The following COL11A1 variants were observed in gnomAD, a reference collection of about 807,000 sequenced individuals.
COL11A1 encodes collagen type XI alpha 1 chain.
COL11A1 carries 74 observed loss-of-function variants against 265.2 expected under a neutral mutation model. That is an observed-to-expected ratio of 0.28 (90% CI 0.23 to 0.34). The LOEUF (loss-of-function observed/expected upper bound fraction) is 0.34. Ranked by LOEUF, COL11A1 falls within the 10% of genes least tolerant of loss-of-function variation. COL11A1 has a pLI of 1.00. For synonymous variants in COL11A1, 816 were observed against 727.6 expected (o/e 1.12, Z -1.96); for missense variants, 2,165 against 2,263.6 (o/e 0.96, Z 0.88).
chr1:103,105,388 A>G (rs1186080896), intron 1 of COL11A1, among the ~76,000 whole-genome samples: 1 of 152,156 alleles, frequency 6.6e-6, no homozygotes. Flanking sequence ...TTTAATGAGT[A>G]TAATAAATAT....
chr1:103,005,194 T>C (rs1209604237), intron 18 of COL11A1, among the ~76,000 whole-genome samples: 2 of 152,114 alleles, frequency 1.3e-5, no homozygotes, highest in Non-Finnish European at 2.9e-5. Flanking sequence ...TTTACTATTT[T>C]TTTCTTCTCC....
chr1:102,964,587 GGTGTGTGT>G (rs10627254), intron 38 of COL11A1, among the ~76,000 whole-genome samples: 3 of 149,420 alleles, frequency 2.0e-5, no homozygotes, highest in African/African-American at 4.9e-5. Context: ...TTTCTCTAGG[GGTGTGTGT>G]GTGTGTGTGT....
intron 18 of COL11A1, 125 bp from the exon 19 acceptor site, chr1:103,004,786 C>A (rs1295215898): frequency 1.3e-6 from 1 of 764,082 alleles, no homozygotes; most frequent in Non-Finnish European, 2.1e-6. Flanking sequence ...CTTTATTTAC[C>A]CTCCTCAAAA....
chr1:103,054,949 A>C (rs1670125669), intron 4 of COL11A1, among the ~76,000 whole-genome samples: 1 of 152,138 alleles, frequency 6.6e-6, no homozygotes, highest in Admixed American at 6.6e-5. Flanking sequence ...AACACTCAAT[A>C]CTGCAACACA....
At chr1:103,034,338 C>T (rs761936569) in intron 4 of COL11A1, among the ~76,000 whole-genome samples, 7 of 151,856 alleles carry the variant, frequency 4.6e-5, no homozygotes, top group South Asian at 2.1e-4. Context: ...TTGGAATGTT[C>T]GGTGGTGTCC....
At chr1:102,995,077 C>T (rs890437359) in intron 28 of COL11A1, among the ~76,000 whole-genome samples, 3 of 152,112 alleles carry the variant, frequency 2.0e-5, no homozygotes, top group Non-Finnish European at 4.4e-5. Flanking sequence ...ATGTGCCTCC[C>T]TGGACAGGTG....
At chr1:103,020,088 C>T (rs941692721) in intron 9 of COL11A1, among the ~76,000 whole-genome samples, 1 of 151,454 alleles carries the variant, frequency 6.6e-6, no homozygotes, top group Non-Finnish European at 1.5e-5. Context: ...ATTTATAGTC[C>T]TTTGGGTATA....
At chr1:102,901,245 G>A (rs1351230918) in intron 54 of COL11A1, among the ~76,000 whole-genome samples, 2 of 151,668 alleles carry the variant, frequency 1.3e-5, no homozygotes, top group East Asian at 1.9e-4. Flanking sequence ...GCTTGAACCC[G>A]GGAGGCAGAA....
chr1:103,076,762 C>T (rs2102292572), intron 3 of COL11A1, among the ~76,000 whole-genome samples: 1 of 152,230 alleles, frequency 6.6e-6, no homozygotes. Flanking sequence ...AAAGAACTAT[C>T]AGCACTTCGC....
At chr1:103,099,653 A>G (rs1674079782) in intron 1 of COL11A1, among the ~76,000 whole-genome samples, 1 of 151,730 alleles carries the variant, frequency 6.6e-6, no homozygotes, top group Non-Finnish European at 1.5e-5. Context: ...TTTCTTGTTC[A>G]CTAGTAGAAA....
Position 102,890,487 on chromosome 1 carries a change from A to G in COL11A1, c.4320T>C (p.Pro1440=), listed in dbSNP as rs762511819. ...TGGAGCCAGGGTCACCTTTGAGACC[A>G]GGTAAGCCAGGAGGTCCCTAAATAA... ...PPGPMGPPGL[P]GLKGDPGSKG... is the part of the protein sequence containing the mutation. Residue 1440 remains proline (P), a synonymous_variant, in exon 58 of 67, where the codon CCT becomes CCC. Coordinates refer to ENST00000370096, the MANE Select transcript of COL11A1 (RefSeq NM_001854.4). The G allele has an allele frequency of 5.0e-6, 8 of 1,608,146 alleles. No individual in the cohort carries two copies. In the Admixed American group the frequency reaches 1.4e-4, roughly 27 times the overall value.
chr1:102,978,403 G>C (rs1270795174), intron 35 of COL11A1, among the ~76,000 whole-genome samples: 1 of 152,092 alleles, frequency 6.6e-6, no homozygotes, highest in Non-Finnish European at 1.5e-5. Flanking sequence ...GGAGAAGAGG[G>C]CAAAGATGTT....
intron 15 of COL11A1, among the ~76,000 whole-genome samples, chr1:103,007,715 C>A (rs546818478): frequency 6.6e-6 from 1 of 151,832 alleles, no homozygotes; most frequent in East Asian, 1.9e-4. Flanking sequence ...AAAAAATTTG[C>A]CGGGCATGGT....
At chr1:103,017,146 A>G (rs1016985008) in intron 11 of COL11A1, among the ~76,000 whole-genome samples, 1 of 152,098 alleles carries the variant, frequency 6.6e-6, no homozygotes, top group Non-Finnish European at 1.5e-5. Context: ...TAATGTTTGC[A>G]TAATACACTT....
chr1:102,979,486 G>A (rs1294317311), intron 31 of COL11A1, 51 bp from the exon 32 acceptor site: 1 of 1,175,896 alleles, frequency 8.5e-7, no homozygotes, highest in Non-Finnish European at 1.3e-6. Context: ...AACATTTTCA[G>A]TCACAAGATG....
At chr1:102,892,036 T>A (rs564813748) in intron 57 of COL11A1, among the ~76,000 whole-genome samples, 1 of 152,210 alleles carries the variant, frequency 6.6e-6, no homozygotes, top group African/African-American at 2.4e-5. Flanking sequence ...GTGAAACTGA[T>A]GCTAAAAAAA....
intron 4 of COL11A1, among the ~76,000 whole-genome samples, chr1:103,049,539 T>C (rs1404137146): frequency 6.6e-6 from 1 of 152,230 alleles, no homozygotes; most frequent in Non-Finnish European, 1.5e-5. Context: ...CTGATGGGTC[T>C]TGACTCTTTA....
At chr1:102,932,743 T>A (rs1310302461) in intron 46 of COL11A1, among the ~76,000 whole-genome samples, 1 of 151,154 alleles carries the variant, frequency 6.6e-6, no homozygotes, top group African/African-American at 2.4e-5. Flanking sequence ...CAGACGTAGA[T>A]TTGGTCTTTT....
intron 31 of COL11A1, among the ~76,000 whole-genome samples, chr1:102,980,568 G>A (rs1241168057): frequency 1.3e-5 from 2 of 152,100 alleles, no homozygotes; most frequent in Non-Finnish European, 2.9e-5. Flanking sequence ...TCTAGCCTCT[G>A]TGAGAATACT....
Sources: gnomAD v4.1 joint callset for allele counts (sites outside exome capture counted in the v4.1 genomes callset) on GRCh38, gnomAD v4.1.1 for gene constraint, MANE v1.5 for transcripts, NCBI Gene and HGNC (gene_info 2026-07-23, HGNC 2026-07-21) for gene names.